KCNN4: variants seen among roughly 807,000 people sequenced by gnomAD.
KCNN4 encodes intermediate conductance calcium-activated potassium channel protein 4.
KCNN4 carries 31 observed loss-of-function variants against 45.2 expected under a neutral mutation model. The ratio of observed to expected loss-of-function variants is 0.69; its 90% CI spans 0.52 to 0.92. The LOEUF is 0.92. Ranked by LOEUF, KCNN4 falls within the 40% of genes least tolerant of loss-of-function variation. The pLI, the probability that KCNN4 is intolerant of heterozygous loss-of-function variation, is 0.00. For synonymous variants in KCNN4, 231 were observed against 254.6 expected, an observed-to-expected ratio of 0.91 and a Z score of 0.88; for missense variants, 463 against 574.0, an observed-to-expected ratio of 0.81 and a Z score of 1.98.
Position 43,769,480 on chromosome 19 carries a change from G to A in KCNN4, c.1011C>T (p.Ala337=). The change falls in exon 6 of 9, where the codon GCC becomes GCT. Residue 337 remains alanine (A), a synonymous_variant. Coordinates refer to ENST00000648319, the MANE Select transcript of KCNN4 (RefSeq NM_002250.3). This position sits in a 1 kb window ranked among gnomAD's most constrained non-coding sequence, Gnocchi z 4.4. ...KHTRRKESHA[A]RRHQRKLLAA... ...CCAGCAGCTTGCGCTGATGCCTGCG[G>A]GCAGCATGAGACTCCTTCCTGCGAG... 2 of 1,614,228 alleles carry A rather than the reference G, an allele frequency of 1.2e-6. No homozygotes were observed.
chr19:43,768,890 T>C, intron 7 of KCNN4, 73 bp downstream of exon 7: 2 of 1,490,052 alleles, frequency 1.3e-6, no homozygotes, highest in African/African-American at 1.4e-5. Context: ...TTCCCTGTTC[T>C]AGGGCCAGAT....
In KCNN4 at chr19:43,774,749, C is replaced by T. The variant is rs1204981115; in HGVS notation, c.256-130G>A. Reference sequence around the variant, plus strand: ...TGGCCAGGAGGGAGGGAGTGCAGGGCGGGAGAGGGATAGGGAGGGAGCGGG... The same window carrying T: ...TGGCCAGGAGGGAGGGAGTGCAGGGTGGGAGAGGGATAGGGAGGGAGCGGG... On this transcript the variant is annotated intron_variant, in intron 2 of 8. Transcript: ENST00000648319. This position sits in a 1 kb window ranked among gnomAD's most constrained non-coding sequence, Gnocchi z 5.6. 6 of 673,916 alleles carry T rather than the reference C, an allele frequency of 8.9e-6. No homozygotes were observed. Among genetic ancestry groups the T allele is most frequent in the Admixed American group, 3.6e-5 (1 of 28,064 alleles). 41.7% of individuals were successfully genotyped at this position (673,916 alleles called of 1,614,324 possible).
In KCNN4 at chr19:43,776,564, C is replaced by T; in HGVS notation, c.232G>A (p.Ala78Thr). 6.2e-7 allele frequency: 1 copy of T among 1,613,584 alleles called. No individual in the cohort carries two copies. Among genetic ancestry groups the T allele is most frequent in the Non-Finnish European group, 8.5e-7 (1 of 1,179,728 alleles). The stretch of plus-strand genomic sequence containing the variant: ...ACCTGGACCTCTTTGGCATGAAAGG[C>T]CACGATGAGGCAGAGGAGTAAGAAG... ...STFLLLCLIV[A>T]FHAKEVQLFM... The change falls in exon 2 of 9, where the codon GCC becomes ACC. Residue 78 changes from alanine to threonine, a missense_variant. Ala to Thr is a moderately conservative substitution (Grantham distance 58, BLOSUM62 0). Transcript: ENST00000648319.
At position 43,769,101 on chromosome 19, in the gene KCNN4, A is replaced by G; in HGVS notation, c.1050-69T>C. On this transcript the variant is annotated intron_variant, in intron 6 of 8. Transcript: ENST00000648319. The surrounding 1 kb of genome is among the most constrained non-coding windows in gnomAD (Gnocchi z 4.4). ...GAATGTAGCTGTAGCTCAGGGGAGG[A>G]ATGAAGGGAGGAGAGGCACATGAAG... The G allele has an allele frequency of 6.7e-7, 1 of 1,498,644 alleles. No individual in the cohort carries two copies. The highest frequency in any genetic ancestry group is 1.7e-5 in the Admixed American group (1 of 59,726). The allele number at this position is 1,498,644 out of a possible 1,614,324, so 92.8% of individuals were successfully genotyped here.
At position 43,773,950 on chromosome 19, in the gene KCNN4, T is replaced by A. The variant is rs142924745; in HGVS notation, c.683+242A>T. On this transcript the variant is annotated intron_variant, in intron 3 of 8. Coordinates refer to ENST00000648319, the MANE Select transcript of KCNN4 (RefSeq NM_002250.3). ...AGGGAGGGGCTTTCTAGGGTCTGTG[T>A]GTGCGTTTGGGGAGACTGAAGGCTG... Among the ~76,000 whole-genome samples, 531 of 152,228 alleles carry A rather than the reference T, an allele frequency of 3.5e-3. 2 individuals carry two copies. Among genetic ancestry groups the A allele is most frequent in the Non-Finnish European group, 5.5e-3 (376 of 67,990 alleles).
In KCNN4 at chr19:43,769,875, C is replaced by T; in HGVS notation, c.820-46G>A. ...GTGGCATGAGGCTGTGCCACCGACT[C>T]CCTCCTTGAACCCGCCCAACAGCCA... is the stretch of plus-strand genomic sequence containing the variant. On this transcript the variant is annotated intron_variant, in intron 4 of 8. Coordinates refer to ENST00000648319, the MANE Select transcript of KCNN4 (RefSeq NM_002250.3). This position sits in a 1 kb window ranked among gnomAD's most constrained non-coding sequence, Gnocchi z 4.4. The T allele has an allele frequency of 7.0e-7, 1 of 1,423,990 alleles. No homozygotes were observed. Among genetic ancestry groups the T allele is most frequent in the South Asian group, 1.2e-5 (1 of 84,240 alleles). 88.2% of individuals were successfully genotyped at this position (1,423,990 alleles called of 1,614,324 possible).
chr19:43,777,784 C>A (rs1347212790), intron 1 of KCNN4, among the ~76,000 whole-genome samples: 1 of 151,990 alleles, frequency 6.6e-6, no homozygotes, highest in Non-Finnish European at 1.5e-5. Context: ...GGGGTTGGTC[C>A]CTGCCTGGCG....
In KCNN4 at chr19:43,774,698, C is replaced by T. The variant is rs1969749058; in HGVS notation, c.256-79G>A. On this transcript the variant is annotated intron_variant, in intron 2 of 8. Coordinates refer to ENST00000648319, the MANE Select transcript of KCNN4 (RefSeq NM_002250.3). The surrounding 1 kb of genome is among the most constrained non-coding windows in gnomAD (Gnocchi z 5.6). Reference sequence around the variant, plus strand: ...AGGCGGCGGCCCGCGCCTGCCTGCGCCCTGAGATAAGTGGGGTGTGCCGCC... The same window carrying T: ...AGGCGGCGGCCCGCGCCTGCCTGCGTCCTGAGATAAGTGGGGTGTGCCGCC... The T allele has an allele frequency of 7.7e-7, 1 of 1,294,826 alleles. No individual in the cohort carries two copies. Among genetic ancestry groups the T allele is most frequent in the Admixed American group, 3.2e-5 (1 of 31,270 alleles). 80.2% of individuals were successfully genotyped at this position (1,294,826 alleles called of 1,614,324 possible). A position where few individuals can be genotyped will look rare whatever the true frequency, so the allele number is the denominator to read the frequency against.
In KCNN4 at chr19:43,776,826, G is replaced by A. The variant is rs572885973; in HGVS notation, c.160-190C>T. On this transcript the variant is annotated intron_variant, in intron 1 of 8. Transcript: ENST00000648319. Reference sequence around the variant, plus strand: ...CAAAACCATCATCTGGGCCCAGTGCGGTGGCTCACACCTGTAATCCCAACA... The same window carrying A: ...CAAAACCATCATCTGGGCCCAGTGCAGTGGCTCACACCTGTAATCCCAACA... 148 of 587,306 alleles carry A rather than the reference G, an allele frequency of 2.5e-4. 1 individual carries two copies. In the East Asian group the frequency reaches 2.6e-3, roughly 10 times the overall value. The allele number at this position is 587,306 out of a possible 1,614,324, so 36.4% of individuals were successfully genotyped here. A position where few individuals can be genotyped will look rare whatever the true frequency, so the allele number is the denominator to read the frequency against.
rs777211124 is a variant in KCNN4 at position 43,772,848 on chromosome 19, G to A, written c.684-713C>T. ...TTCACAAACCCCACCCCCTCATTCC[G>A]AAGTACATTCTAGTTTCAGGACTTC... On this transcript the variant is annotated intron_variant, in intron 3 of 8. Transcript: ENST00000648319. The surrounding 1 kb of genome is among the most constrained non-coding windows in gnomAD (Gnocchi z 4.4). Among the ~76,000 whole-genome samples the A allele has an allele frequency of 4.6e-5, 7 of 152,126 alleles. No individual in the cohort carries two copies. The highest frequency in any genetic ancestry group is 1.0e-4 in the Non-Finnish European group (7 of 68,036).
intron 8 of KCNN4, 140 bp from the exon 9 acceptor site, chr19:43,767,229 G>A: frequency 3.2e-6 from 1 of 316,544 alleles, no homozygotes; most frequent in Non-Finnish European, 6.1e-6. Context: ...AGGCCAGGGG[G>A]CAGGAGGGCA....
At chr19:43,776,991 C>T (rs1332592136) in intron 1 of KCNN4, among the ~76,000 whole-genome samples, 3 of 151,994 alleles carry the variant, frequency 2.0e-5, no homozygotes, top group African/African-American at 7.3e-5. Context: ...GGCTGAGGAA[C>T]CAGAATCTTG....
In KCNN4 at chr19:43,780,769, C is replaced by T. The variant is rs201724271; in HGVS notation, c.93G>A (p.Val31=). The T allele has an allele frequency of 6.2e-7, 1 of 1,614,024 alleles. No individual in the cohort carries two copies. The highest frequency in any genetic ancestry group is 2.2e-5 in the East Asian group (1 of 44,854). The part of the protein sequence containing the change: ...QEKSLAGWAL[V]LAGTGIGLMV... ...TGAGTCCAATGCCAGTTCCTGCCAG[C>T]ACCAGTGCCCAGCCGGCCAGAGACT... Residue 31 remains valine (V), a synonymous_variant, in exon 1 of 9, where the codon GTG becomes GTA. Coordinates refer to ENST00000648319, the MANE Select transcript of KCNN4 (RefSeq NM_002250.3).
rs768815091 is a variant in KCNN4 at position 43,769,459 on chromosome 19, C to A, written c.1032G>T (p.Leu344=). ...GCCCTCACGCGTTGATGGCGGCCAG[C>A]AGCTTGCGCTGATGCCTGCGGGCAG... ...SHAARRHQRK[L]LAAINAFRQV... Residue 344 remains leucine (L), a synonymous_variant, in exon 6 of 9, where the codon CTG becomes CTT. Coordinates refer to ENST00000648319, the MANE Select transcript of KCNN4 (RefSeq NM_002250.3). The surrounding 1 kb of genome is among the most constrained non-coding windows in gnomAD (Gnocchi z 4.4). 1.2e-6 allele frequency: 2 copies of A among 1,614,174 alleles called. No individual in the cohort carries two copies. Among genetic ancestry groups the A allele is most frequent in the South Asian group, 2.2e-5 (2 of 91,088 alleles).
Position 43,772,847 on chromosome 19 carries a change from C to T in KCNN4, c.684-712G>A, listed in dbSNP as rs563056508. Reference sequence around the variant, plus strand: ...GTTCACAAACCCCACCCCCTCATTCCGAAGTACATTCTAGTTTCAGGACTT... The same window carrying T: ...GTTCACAAACCCCACCCCCTCATTCTGAAGTACATTCTAGTTTCAGGACTT... On this transcript the variant is annotated intron_variant, in intron 3 of 8. Coordinates refer to ENST00000648319, the MANE Select transcript of KCNN4 (RefSeq NM_002250.3). This position sits in a 1 kb window ranked among gnomAD's most constrained non-coding sequence, Gnocchi z 4.4. Among the ~76,000 whole-genome samples the T allele has an allele frequency of 5.3e-5, 8 of 152,300 alleles. No homozygotes were observed. Among genetic ancestry groups the T allele is most frequent in the South Asian group, 4.1e-4 (2 of 4,822 alleles).
At chr19:43,778,458 C>G (rs965243878) in intron 1 of KCNN4, among the ~76,000 whole-genome samples, 3 of 152,176 alleles carry the variant, frequency 2.0e-5, no homozygotes, top group African/African-American at 7.2e-5. Flanking sequence ...CCAGGATGGT[C>G]TCGATGTCCT....
rs1374446677 is a variant in KCNN4 at position 43,766,997 on chromosome 19, G to C, written c.*96C>G. 6.4e-6 allele frequency: 1 copy of C among 155,876 alleles called. No individual in the cohort carries two copies. The highest frequency in any genetic ancestry group is 1.9e-4 in the East Asian group (1 of 5,316). 9.7% of individuals were successfully genotyped at this position (155,876 alleles called of 1,614,324 possible). On this transcript the variant is annotated 3_prime_UTR_variant, in exon 9 of 9. Coordinates refer to ENST00000648319, the MANE Select transcript of KCNN4 (RefSeq NM_002250.3). Reference sequence around the variant, plus strand: ...AGGGCCCCCTTTGGTCCTTGCACTTGAGGTGCTTTGTTCAGGGCTGGGTCA... The same window carrying C: ...AGGGCCCCCTTTGGTCCTTGCACTTCAGGTGCTTTGTTCAGGGCTGGGTCA...
chr19:43,772,838 C>T lies in KCNN4; in HGVS notation c.684-703G>A, dbSNP rs930628946. On this transcript the variant is annotated intron_variant, in intron 3 of 8. Coordinates refer to ENST00000648319, the MANE Select transcript of KCNN4 (RefSeq NM_002250.3). This position sits in a 1 kb window ranked among gnomAD's most constrained non-coding sequence, Gnocchi z 4.4. ...ATCTGTACTGTTCACAAACCCCACC[C>T]CCTCATTCCGAAGTACATTCTAGTT... 1.3e-5 allele frequency among the ~76,000 whole-genome samples: 2 copies of T among 152,210 alleles called. No individual in the cohort carries two copies. The highest frequency in any genetic ancestry group is 4.1e-4 in the South Asian group (2 of 4,836).
intron 4 of KCNN4, 68 bp downstream of exon 4, chr19:43,771,932 T>A: frequency 6.6e-7 from 1 of 1,509,530 alleles, no homozygotes; most frequent in Non-Finnish European, 8.8e-7. Flanking sequence ...CATTTAATCA[T>A]GGCTTCCTGG....
Sources: gnomAD v4.1 joint callset for allele counts (sites outside exome capture counted in the v4.1 genomes callset) on GRCh38, gnomAD v4.1.1 for gene constraint, Gnocchi (gnomAD v3.1) non-coding constraint, MANE v1.5 for transcripts, NCBI Gene and HGNC (gene_info 2026-07-23, HGNC 2026-07-21) for gene names.